The following RUNX2 variants were observed in gnomAD, a reference collection of about 807,000 sequenced individuals.
The protein encoded by RUNX2 is RUNX family transcription factor 2.
In RUNX2, 10 loss-of-function variants were observed where a neutral mutation model predicts 51.7. That is an observed-to-expected ratio of 0.19 (90% confidence interval 0.12 to 0.33). The LOEUF (loss-of-function observed/expected upper bound fraction) is 0.33, where lower values mean the gene tolerates loss of function less well. RUNX2 is among the 10% of genes least tolerant of loss of function. The pLI is 1.00. For missense variants in RUNX2, 562 were observed against 691.3 expected (o/e 0.81, Z 2.10); for synonymous variants, 276 against 273.6 (o/e 1.01, Z -0.09).
chr6:45,417,867 A>G (rs574787864), intron 2 of RUNX2, among the ~76,000 whole-genome samples: 4 of 152,366 alleles, frequency 2.6e-5, no homozygotes, highest in East Asian at 3.9e-4. Context: ...TAAAAATGCA[A>G]AAAACATCTT....
rs149251153 is a variant in RUNX2 at position 45,473,624 on chromosome 6, C to CA, written c.686-18316dup. 2.8e-3 allele frequency among the ~76,000 whole-genome samples: 425 copies of CA among 152,298 alleles called. 3 individuals are homozygous for CA. The highest frequency in any genetic ancestry group is 9.6e-3 in the African/African-American group (400 of 41,546). On this transcript the variant is annotated intron_variant, in intron 5 of 8. Transcript: ENST00000647337. ...CTTAATGTCTCTTTGAAGGTGTCAG[C>CA]AGGCATGTGTGGACCACACAGAATG...
At chr6:45,511,584 G>A (rs1049838581) in intron 6 of RUNX2, among the ~76,000 whole-genome samples, 3 of 151,970 alleles carry the variant, frequency 2.0e-5, no homozygotes, top group Admixed American at 1.3e-4. Flanking sequence ...TAGCATGAGA[G>A]TAACGTAACT....
intron 2 of RUNX2, chr6:45,371,777 A>G (rs1245218000): frequency 7.4e-6 from 7 of 950,222 alleles, no homozygotes; most frequent in Admixed American, 6.2e-5. Flanking sequence ...ATAAGCAACT[A>G]TAACAGACAA....
chr6:45,448,680 A>G (rs1168562251), intron 5 of RUNX2, among the ~76,000 whole-genome samples: 1 of 152,192 alleles, frequency 6.6e-6, no homozygotes, highest in African/African-American at 2.4e-5. Flanking sequence ...TGCACCCTCC[A>G]CAACATGCAT....
chr6:45,368,891 C>T (rs958942339), intron 2 of RUNX2, among the ~76,000 whole-genome samples: 1 of 151,922 alleles, frequency 6.6e-6, no homozygotes, highest in African/African-American at 2.4e-5. Flanking sequence ...TAAGCCAACA[C>T]TATTATGCAC....
chr6:45,485,180 TTTTC>T (rs1282354973), intron 5 of RUNX2, among the ~76,000 whole-genome samples: 2 of 151,086 alleles, frequency 1.3e-5, no homozygotes, highest in Non-Finnish European at 1.5e-5. Context: ...TTTTCCTTTC[TTTTC>T]TTTCTTTCTT....
Position 45,548,443 on chromosome 6 carries a change from A to T in RUNX2, c.*1138A>T, listed in dbSNP as rs1281884247. 2 of 152,646 alleles carry T rather than the reference A, an allele frequency of 1.3e-5. No homozygotes were observed. The highest frequency in any genetic ancestry group is 1.9e-4 in the East Asian group (1 of 5,200). 9.5% of individuals were successfully genotyped at this position (152,646 alleles called of 1,614,324 possible). A position where few individuals can be genotyped will look rare whatever the true frequency, so the allele number is the denominator to read the frequency against. ...TTTTGTGATGTATGAAGGAAATGTTATGTTTAGTTCTTTCAGATCTTTGAA... is the reference window on the plus strand; with the variant it reads ...TTTTGTGATGTATGAAGGAAATGTTTTGTTTAGTTCTTTCAGATCTTTGAA... On this transcript the variant is annotated 3_prime_UTR_variant, in exon 9 of 9. Coordinates refer to ENST00000647337, the MANE Select transcript of RUNX2 (RefSeq NM_001024630.4).
chr6:45,493,461 G>C (rs1013484108), intron 6 of RUNX2, among the ~76,000 whole-genome samples: 1 of 152,082 alleles, frequency 6.6e-6, no homozygotes, highest in Non-Finnish European at 1.5e-5. Context: ...TATGGGTGCT[G>C]CTGCATTTAA....
At position 45,547,226 on chromosome 6, in the gene RUNX2, C is replaced by T. The variant is rs774604105; in HGVS notation, c.1487C>T (p.Ala496Val). Residue 496 changes from alanine (A) to valine (V), a missense_variant, in exon 9 of 9, where the codon GCT (alanine) becomes GTT (valine). Ala to Val is a moderately conservative substitution (Grantham distance 64, BLOSUM62 0). Transcript: ENST00000647337. ...NLPNQNDGVD[A>V]DGSHSSSPTV... ...CCTAACCAGAATGATGGTGTTGACG[C>T]TGATGGAAGCCACAGCAGTTCCCCA... The T allele has an allele frequency of 6.2e-7, 1 of 1,614,172 alleles. No individual in the cohort carries two copies. The highest frequency in any genetic ancestry group is 8.5e-7 in the Non-Finnish European group (1 of 1,180,026).
At chr6:45,546,601 C>T (rs1802407903) in intron 8 of RUNX2, among the ~76,000 whole-genome samples, 1 of 152,110 alleles carries the variant, frequency 6.6e-6, no homozygotes, top group Non-Finnish European at 1.5e-5. Context: ...TTTTAAAGCC[C>T]TCTGGGATTC....
chr6:45,466,180 G>A (rs1279426882), intron 5 of RUNX2, among the ~76,000 whole-genome samples: 1 of 151,892 alleles, frequency 6.6e-6, no homozygotes, highest in African/African-American at 2.4e-5. Flanking sequence ...GCCGAGTGTG[G>A]TGGGCGCCTG....
chr6:45,443,879 T>A (rs1170947983), intron 5 of RUNX2, among the ~76,000 whole-genome samples: 3 of 152,142 alleles, frequency 2.0e-5, no homozygotes, highest in Non-Finnish European at 2.9e-5. Flanking sequence ...TTTCAATTTT[T>A]AAAATTTTTT....
chr6:45,438,179 A>G, intron 5 of RUNX2, 128 bp downstream of exon 5: 1 of 674,896 alleles, frequency 1.5e-6, no homozygotes, highest in Non-Finnish European at 2.7e-6. Context: ...ATCTGCATAT[A>G]TTTTTTTTAG....
chr6:45,440,138 G>A (rs544128860), intron 5 of RUNX2, among the ~76,000 whole-genome samples: 7 of 152,236 alleles, frequency 4.6e-5, no homozygotes, highest in South Asian at 2.1e-4. Flanking sequence ...GTGAAAATGC[G>A]GGGTCATTTT....
intron 5 of RUNX2, among the ~76,000 whole-genome samples, chr6:45,479,488 T>G (rs979497955): frequency 6.6e-5 from 10 of 152,200 alleles, no homozygotes; most frequent in African/African-American, 2.2e-4. Context: ...GATAGAGACA[T>G]GGAACTAATG....
chr6:45,428,489 A>G (rs1798446594), intron 3 of RUNX2, among the ~76,000 whole-genome samples: 1 of 152,198 alleles, frequency 6.6e-6, no homozygotes. Context: ...TAGCCATTAA[A>G]CTAGAGTTCA....
chr6:45,523,137 A>C (rs1379107590), intron 7 of RUNX2, among the ~76,000 whole-genome samples: 11 of 152,206 alleles, frequency 7.2e-5, no homozygotes, highest in African/African-American at 2.7e-4. Context: ...TTTTTCAGGA[A>C]AAATAGGATC....
intron 6 of RUNX2, among the ~76,000 whole-genome samples, chr6:45,494,162 G>T (rs1047973838): frequency 6.6e-6 from 1 of 152,180 alleles, no homozygotes; most frequent in East Asian, 1.9e-4. Flanking sequence ...GCAGATACAC[G>T]TGCAGAGAGT....
chr6:45,459,621 A>G (rs1274512207), intron 5 of RUNX2, among the ~76,000 whole-genome samples: 1 of 152,250 alleles, frequency 6.6e-6, no homozygotes, highest in Non-Finnish European at 1.5e-5. Flanking sequence ...ACATTCTTCT[A>G]TGTGTTAGGA....
Sources: allele counts gnomAD v4.1 joint callset (sites outside exome capture counted in the v4.1 genomes callset), GRCh38; gene constraint gnomAD v4.1.1; transcripts MANE v1.5; gene names NCBI Gene and HGNC (gene_info 2026-07-23, HGNC 2026-07-21).